FRMD5: variants seen among roughly 807,000 people sequenced by gnomAD.
FRMD5 encodes the protein FERM domain-containing protein 5.
Under a neutral mutation model 69.0 loss-of-function variants are expected in FRMD5, and 20 were observed. That is an observed-to-expected ratio of 0.29 (90% CI 0.20 to 0.42). The LOEUF is 0.42. FRMD5 is among the 10% of genes least tolerant of loss of function. The probability of loss-of-function intolerance (pLI) is 1.00; values close to 1 mark genes in which losing one functional copy is unlikely to be tolerated. For synonymous variants in FRMD5, 271 were observed against 260.1 expected, an observed-to-expected ratio of 1.04 and a Z score of -0.40; for missense variants, 595 against 708.6, an observed-to-expected ratio of 0.84 and a Z score of 1.82.
intron 1 of FRMD5, among the ~76,000 whole-genome samples, chr15:44,141,090 A>C (rs1443768356): frequency 1.3e-5 from 2 of 152,062 alleles, no homozygotes; most frequent in Admixed American, 6.5e-5. Context: ...AAATCCTACA[A>C]AATTTGTAAA....
intron 1 of FRMD5, among the ~76,000 whole-genome samples, chr15:44,171,908 G>A (rs530752484): frequency 1.4e-3 from 211 of 151,858 alleles, no homozygotes; most frequent in Non-Finnish European, 2.3e-3. Context: ...GGCTACAGGC[G>A]TGCGCCACCA....
At chr15:44,166,453 T>C (rs1263678622) in intron 1 of FRMD5, among the ~76,000 whole-genome samples, 1 of 152,198 alleles carries the variant, frequency 6.6e-6, no homozygotes, top group Non-Finnish European at 1.5e-5. Flanking sequence ...TTTGGATCTT[T>C]TTCTTTTTTA....
intron 1 of FRMD5, among the ~76,000 whole-genome samples, chr15:44,105,410 C>T (rs2076702588): frequency 6.6e-6 from 1 of 152,106 alleles, no homozygotes; most frequent in South Asian, 2.1e-4. Flanking sequence ...GGCAAAATTT[C>T]TTTAAAACAC....
At chr15:43,938,188 G>A (rs1369407660) in intron 1 of FRMD5, among the ~76,000 whole-genome samples, 2 of 135,454 alleles carry the variant, frequency 1.5e-5, no homozygotes, top group Non-Finnish European at 3.0e-5. Flanking sequence ...CCGAGATCGC[G>A]CCACTGGCAA....
intron 1 of FRMD5, among the ~76,000 whole-genome samples, chr15:44,054,735 C>T (rs993068998): frequency 6.6e-6 from 1 of 151,890 alleles, no homozygotes; most frequent in Non-Finnish European, 1.5e-5. Flanking sequence ...AAAGGTAATA[C>T]CAGAATCACA....
chr15:44,133,919 AAAT>A (rs1178347159), intron 1 of FRMD5, among the ~76,000 whole-genome samples: 3 of 152,114 alleles, frequency 2.0e-5, no homozygotes, highest in African/African-American at 7.2e-5. Context: ...CAGAGATTGT[AAAT>A]AATAATAATA....
At chr15:43,888,119 ACTCT>A in intron 10 of FRMD5, 52 bp downstream of exon 10, 1 of 1,384,062 alleles carries the variant, frequency 7.2e-7, no homozygotes, top group Admixed American at 1.8e-5. Flanking sequence ...CCTGTCACCG[ACTCT>A]CTCTGACTCT....
chr15:43,924,113 C>G (rs897377198), intron 2 of FRMD5, 92 bp downstream of exon 2: 6 of 1,021,166 alleles, frequency 5.9e-6, no homozygotes, highest in Middle Eastern at 4.2e-4. Context: ...TCCCTGATTC[C>G]TGAAGCTTGA....
chr15:44,196,323 G>T (rs1165407774), upstream of FRMD5, among the ~76,000 whole-genome samples: 1 of 152,024 alleles, frequency 6.6e-6, no homozygotes, highest in Non-Finnish European at 1.5e-5. Context: ...AATTAGCCGT[G>T]CATGGTAGCA....
intron 1 of FRMD5, among the ~76,000 whole-genome samples, chr15:44,069,229 G>C (rs1188893004): frequency 6.6e-6 from 1 of 152,122 alleles, no homozygotes; most frequent in Non-Finnish European, 1.5e-5. Context: ...TTGTCAGTGG[G>C]AATGTAAAAT....
chr15:44,092,910 T>C (rs781307454), intron 1 of FRMD5, among the ~76,000 whole-genome samples: 10 of 150,452 alleles, frequency 6.6e-5, no homozygotes, highest in Admixed American at 2.7e-4. Context: ...TAATTGTATA[T>C]TTGTTCTATC....
intron 1 of FRMD5, among the ~76,000 whole-genome samples, chr15:44,143,924 C>A (rs868456630): frequency 3.1e-3 from 283 of 92,594 alleles, no homozygotes; most frequent in African/African-American, 4.6e-3. Flanking sequence ...ACTCTGTCAC[C>A]AAAAAAAAAA....
intron 1 of FRMD5, among the ~76,000 whole-genome samples, chr15:44,035,494 G>T (rs1207766036): frequency 6.6e-6 from 1 of 152,112 alleles, no homozygotes; most frequent in African/African-American, 2.4e-5. Flanking sequence ...TGCTATTTTG[G>T]CATTTGCTAG....
chr15:43,924,662 T>C (rs1366272016), intron 1 of FRMD5, among the ~76,000 whole-genome samples: 1 of 152,180 alleles, frequency 6.6e-6, no homozygotes, highest in Non-Finnish European at 1.5e-5. Context: ...CCCAGCTGAC[T>C]GAGCCTCTAA....
intron 1 of FRMD5, among the ~76,000 whole-genome samples, chr15:44,127,923 C>T (rs141751765): frequency 2.6e-5 from 4 of 152,194 alleles, no homozygotes; most frequent in Non-Finnish European, 5.9e-5. Context: ...TCTAAGATAA[C>T]AAACTTTTAG....
chr15:44,098,542 G>C (rs1424325636), intron 1 of FRMD5, among the ~76,000 whole-genome samples: 3 of 147,928 alleles, frequency 2.0e-5, no homozygotes, highest in Non-Finnish European at 4.5e-5. Context: ...AAAAAAAAGA[G>C]AGAGAGAGAC....
rs547702348 is a variant in FRMD5 at position 43,951,396 on chromosome 15, T to C, written c.103-27087A>G. Among the ~76,000 whole-genome samples the C allele has an allele frequency of 3.3e-4, 48 of 146,526 alleles. 2 individuals carry two copies. The highest frequency in any genetic ancestry group is 1.2e-3 in the African/African-American group (45 of 38,210). On this transcript the variant is annotated intron_variant, in intron 1 of 13. Coordinates refer to ENST00000417257, the MANE Select transcript of FRMD5 (RefSeq NM_032892.5). ...AAGATCGCGCCACTGCACTCCAGCC[T>C]GGGCCACAGGGTGAGACTCCATCTC... is the stretch of plus-strand genomic sequence containing the variant.
chr15:44,099,576 C>T (rs907244877), intron 1 of FRMD5, among the ~76,000 whole-genome samples: 2 of 152,138 alleles, frequency 1.3e-5, no homozygotes, highest in African/African-American at 4.8e-5. Flanking sequence ...GGATTCTTGG[C>T]CCCTATTTTG....
In FRMD5 at chr15:43,962,936, C is replaced by T. The variant is rs544431190; in HGVS notation, c.103-38627G>A. Among the ~76,000 whole-genome samples, 23 of 152,218 alleles carry T rather than the reference C, an allele frequency of 1.5e-4. No individual in the cohort carries two copies. In the East Asian group the frequency reaches 4.3e-3, roughly 28 times the overall value. On this transcript the variant is annotated intron_variant, in intron 1 of 13. Transcript: ENST00000417257. ...TGGATTAAAGACTTACATGTTAGACCTAAAACCATAAAAACCCTAGAAGAA... is the reference window on the plus strand; with the variant it reads ...TGGATTAAAGACTTACATGTTAGACTTAAAACCATAAAAACCCTAGAAGAA...
Sources: allele counts gnomAD v4.1 joint callset (sites outside exome capture counted in the v4.1 genomes callset), GRCh38; gene constraint gnomAD v4.1.1; transcripts MANE v1.5; gene names NCBI Gene and HGNC (gene_info 2026-07-23, HGNC 2026-07-21).